Variants in RAP1A observed in about 807,000 individuals in gnomAD.
RAP1A encodes the protein ras-related protein Rap-1A.
RAP1A carries 6 observed loss-of-function variants against 26.4 expected under a neutral mutation model. That is an observed-to-expected ratio of 0.23 (90% CI 0.12 to 0.45). The LOEUF (loss-of-function observed/expected upper bound fraction) is 0.45, where lower values mean the gene tolerates loss of function less well. RAP1A is among the 20% of genes least tolerant of loss of function. The pLI is 0.99. For synonymous variants in RAP1A, 73 were observed against 79.4 expected (o/e 0.92, Z 0.43); for missense variants, 121 against 217.2 (o/e 0.56, Z 2.78).
At chr1:111,561,548 G>A (rs1212498183) in intron 1 of RAP1A, among the ~76,000 whole-genome samples, 2 of 152,186 alleles carry the variant, frequency 1.3e-5, no homozygotes, top group Non-Finnish European at 2.9e-5. Context: ...TACAGACTGA[G>A]ATACAGAGGT....
At chr1:111,696,428 A>G (rs1324891) in intron 3 of RAP1A, among the ~76,000 whole-genome samples, 45,355 of 152,084 alleles carry the variant, frequency 0.3, 7,364 homozygotes, top group East Asian at 0.47. Flanking sequence ...TCAAGAAACT[A>G]TAGTCCTAAT....
At chr1:111,644,756 T>C (rs1325593861) in intron 1 of RAP1A, among the ~76,000 whole-genome samples, 1 of 152,200 alleles carries the variant, frequency 6.6e-6, no homozygotes, top group Non-Finnish European at 1.5e-5. Context: ...TTGGGCCTTA[T>C]TCTCTAGAAT....
intron 1 of RAP1A, among the ~76,000 whole-genome samples, chr1:111,578,527 C>T (rs1043476463): frequency 2.0e-5 from 3 of 151,928 alleles, no homozygotes; most frequent in African/African-American, 7.3e-5. Context: ...TACATATGAA[C>T]TCACTACTAA....
chr1:111,594,623 AAAAAGAAAAAAAC>A (rs1658532216), intron 1 of RAP1A, among the ~76,000 whole-genome samples: 1 of 152,176 alleles, frequency 6.6e-6, no homozygotes, highest in Admixed American at 6.5e-5. Flanking sequence ...GCGAGAAAAG[AAAAAGAAAAAAAC>A]AAAGACCGAG....
chr1:111,695,416 T>A lies in RAP1A; in HGVS notation c.126+7T>A. On this transcript the variant is annotated splice_region_variant and intron_variant, in intron 3 of 7. Coordinates refer to ENST00000369709, the MANE Select transcript of RAP1A (RefSeq NM_002884.4). ...AGAAGATTCCTACAGAAAGGTAAAATGTGAAACTTGTACACACATGCTTAC... is the reference window on the plus strand; with the variant it reads ...AGAAGATTCCTACAGAAAGGTAAAAAGTGAAACTTGTACACACATGCTTAC... 4 of 1,539,294 alleles carry A rather than the reference T, an allele frequency of 2.6e-6. No individual in the cohort carries two copies. Among genetic ancestry groups the A allele is most frequent in the Non-Finnish European group, 3.5e-6 (4 of 1,144,062 alleles).
intron 4 of RAP1A, among the ~76,000 whole-genome samples, chr1:111,700,015 T>A (rs1661968383): frequency 6.6e-6 from 1 of 152,216 alleles, no homozygotes; most frequent in South Asian, 2.1e-4. Context: ...AATACTTGCC[T>A]GATTTCCTCT....
intron 1 of RAP1A, among the ~76,000 whole-genome samples, chr1:111,639,252 G>A (rs867954072): frequency 3.3e-5 from 5 of 152,214 alleles, no homozygotes; most frequent in South Asian, 2.1e-4. Flanking sequence ...AGATTTTCCT[G>A]AGGTTTATTA....
intron 1 of RAP1A, among the ~76,000 whole-genome samples, chr1:111,679,501 T>C (rs1400521995): frequency 2.0e-5 from 3 of 151,888 alleles, no homozygotes; most frequent in Non-Finnish European, 4.4e-5. Flanking sequence ...AGGAGGTTTT[T>C]CTTTTCTTTT....
chr1:111,564,512 CTTTT>C (rs577908974), intron 1 of RAP1A, among the ~76,000 whole-genome samples: 46 of 119,950 alleles, frequency 3.8e-4, no homozygotes, highest in African/African-American at 1.1e-3. Context: ...GACCCCAACT[CTTTT>C]TTTTTTTTTT....
chr1:111,668,160 G>A (rs1660857304), intron 1 of RAP1A, among the ~76,000 whole-genome samples: 1 of 152,142 alleles, frequency 6.6e-6, no homozygotes, highest in African/African-American at 2.4e-5. Flanking sequence ...TTTTGGGTTA[G>A]CCCAAAAGTA....
Position 111,577,401 on chromosome 1 carries a change from CAAAAAAAAAAA to C in RAP1A, c.-28+34909_-28+34919del, listed in dbSNP as rs56156855. On this transcript the variant is annotated intron_variant, in intron 1 of 7. Transcript: ENST00000356415. ...TGGGCAACAGAGCAAGACTCCATCG[CAAAAAAAAAAA>C]AAAAAAAAAAAAAAAAGAATAGCAG... 3.4e-4 allele frequency among the ~76,000 whole-genome samples: 10 copies of C among 29,060 alleles called. No homozygotes were observed. In the East Asian group the frequency reaches 4.3e-3, roughly 13 times the overall value. 19.1% of individuals were successfully genotyped at this position (29,060 alleles called of 152,430 possible). A position where few individuals can be genotyped will look rare whatever the true frequency, so the allele number is the denominator to read the frequency against.
intron 1 of RAP1A, among the ~76,000 whole-genome samples, chr1:111,546,560 T>G (rs944313572): frequency 6.6e-6 from 1 of 152,198 alleles, no homozygotes; most frequent in Non-Finnish European, 1.5e-5. Flanking sequence ...CTTAGCATAA[T>G]GTCCTTAAGT....
intron 1 of RAP1A, among the ~76,000 whole-genome samples, chr1:111,577,066 T>C (rs139884292): frequency 4.6e-5 from 7 of 152,158 alleles, no homozygotes; most frequent in African/African-American, 1.4e-4. Flanking sequence ...ATGTTTATGT[T>C]TTTAGTGGTT....
upstream of RAP1A, among the ~76,000 whole-genome samples, chr1:111,617,501 C>T (rs542939239): frequency 1.1e-3 from 174 of 152,208 alleles, no homozygotes; most frequent in Non-Finnish European, 2.3e-3. Context: ...GGCGCGATCT[C>T]GGCTCACTGC....
intron 1 of RAP1A, among the ~76,000 whole-genome samples, chr1:111,686,871 T>A (rs1181920213): frequency 6.6e-6 from 1 of 151,940 alleles, no homozygotes; most frequent in Non-Finnish European, 1.5e-5. Context: ...ATCTTTTTTT[T>A]TTCACTAACC....
intron 1 of RAP1A, among the ~76,000 whole-genome samples, chr1:111,638,193 T>C (rs1399792971): frequency 2.0e-5 from 3 of 152,164 alleles, no homozygotes; most frequent in Non-Finnish European, 2.9e-5. Flanking sequence ...GCCTGAGAGA[T>C]TTTAGTCATC....
intron 1 of RAP1A, among the ~76,000 whole-genome samples, chr1:111,555,163 C>T (rs181701444): frequency 1.3e-5 from 2 of 151,808 alleles, no homozygotes; most frequent in Non-Finnish European, 2.9e-5. Flanking sequence ...GCCAGGAGTT[C>T]GAGACTAGCC....
chr1:111,704,565 A>C, intron 6 of RAP1A, 79 bp downstream of exon 6: 4 of 1,388,656 alleles, frequency 2.9e-6, no homozygotes, highest in Non-Finnish European at 2.9e-6. Flanking sequence ...TTTAAGAAAA[A>C]ATTTTTATCT....
At position 111,715,320 on chromosome 1, in the gene RAP1A, C is replaced by CCCG. The variant is rs1553229933; in HGVS notation, c.*2921_*2922insGCC. Reference sequence around the variant, plus strand: ...CTTGAACTCCTGACTTCGTGATCCGCCCCCCCCTCAGCCTCCCAAAGTGCT... The same window carrying CCCG: ...CTTGAACTCCTGACTTCGTGATCCGCCCGCCCCCCCTCAGCCTCCCAAAGTGCT... On this transcript the variant is annotated 3_prime_UTR_variant, in exon 8 of 8. Transcript: ENST00000369709. 1 of 132,248 alleles carries CCCG rather than the reference C, an allele frequency of 7.6e-6. No homozygotes were observed. Among genetic ancestry groups the CCCG allele is most frequent in the African/African-American group, 3.3e-5 (1 of 30,026 alleles). 8.2% of individuals were successfully genotyped at this position (132,248 alleles called of 1,614,324 possible).
Sources: allele counts gnomAD v4.1 joint callset (sites outside exome capture counted in the v4.1 genomes callset), GRCh38; gene constraint gnomAD v4.1.1; transcripts MANE v1.5; gene names NCBI Gene and HGNC (gene_info 2026-07-23, HGNC 2026-07-21).